Variants in OAS3 observed in about 807,000 individuals in gnomAD.
The protein encoded by OAS3 is 2'-5'-oligoadenylate synthase 3.
Under a neutral mutation model 113.0 loss-of-function variants are expected in OAS3, and 107 were observed. That is an observed-to-expected ratio of 0.95 (90% CI 0.81 to 1.11). The LOEUF is 1.11. Among genes scored for constraint, OAS3 ranks in the 50% most tolerant of loss-of-function variants. The pLI, the probability that OAS3 is intolerant of heterozygous loss-of-function variation, is 0.00. For missense variants in OAS3, 1,258 were observed against 1,389.1 expected, an observed-to-expected ratio of 0.91 and a Z score of 1.50; for synonymous variants, 552 against 573.6, an observed-to-expected ratio of 0.96 and a Z score of 0.54.
Position 112,966,455 on chromosome 12 carries a change from G to T in OAS3, c.2689+426G>T, listed in dbSNP as rs999949787. Among the ~76,000 whole-genome samples the T allele has an allele frequency of 2.2e-4, 33 of 152,288 alleles. 1 individual carries two copies. The highest frequency in any genetic ancestry group is 7.9e-4 in the African/African-American group (33 of 41,564). On this transcript the variant is annotated intron_variant, in intron 12 of 15. Transcript: ENST00000228928. ...CATTCATTCAGTTCATTCAATACAT[G>T]CATCTACTCTGTGCCCAGTGCTCTT...
At chr12:112,956,227 T>G (rs1403782998) in intron 7 of OAS3, among the ~76,000 whole-genome samples, 1 of 152,200 alleles carries the variant, frequency 6.6e-6, no homozygotes, top group African/African-American at 2.4e-5. Flanking sequence ...CCTTCTCTCT[T>G]TTCTTCTTTA....
In OAS3 at chr12:112,969,989, C is replaced by T. The variant is rs748927297; in HGVS notation, c.*16C>T. ...TGCTGTGTGAAGTTGAGAAAATCAGCGGTCCTACTGGATGAAGAGAAGATG... is the reference window on the plus strand; with the variant it reads ...TGCTGTGTGAAGTTGAGAAAATCAGTGGTCCTACTGGATGAAGAGAAGATG... On this transcript the variant is annotated 3_prime_UTR_variant, in exon 16 of 16. Transcript: ENST00000228928. 8.7e-6 allele frequency: 14 copies of T among 1,605,858 alleles called. 1 individual carries two copies. The highest frequency in any genetic ancestry group is 1.1e-5 in the South Asian group (1 of 89,136).
intron 2 of OAS3, chr12:112,942,203 G>A (rs10735079): frequency 0.68 from 327,000 of 483,518 alleles, 112,249 homozygotes; most frequent in East Asian, 0.8. Context: ...GCCTGGGGAC[G>A]AAACCAGAAT....
Position 112,972,926 on chromosome 12 carries a change from A to T in OAS3, c.*2953A>T, listed in dbSNP as rs1294445427. 1 of 145,354 alleles carries T rather than the reference A, an allele frequency of 6.9e-6. No homozygotes were observed. The highest frequency in any genetic ancestry group is 2.6e-5 in the African/African-American group (1 of 38,964). The allele number at this position is 145,354 out of a possible 1,614,324, so 9.0% of individuals were successfully genotyped here. A position where few individuals can be genotyped will look rare whatever the true frequency, so the allele number is the denominator to read the frequency against. Reference sequence around the variant, plus strand: ...TGTGTGTGTGTGTTTAATTTTTAAAAAGTTTTTATTGAGATACAAGTCAAT... The same window carrying T: ...TGTGTGTGTGTGTTTAATTTTTAAATAGTTTTTATTGAGATACAAGTCAAT... On this transcript the variant is annotated 3_prime_UTR_variant, in exon 16 of 16. Transcript: ENST00000228928.
rs1039333358 is a variant in OAS3 at position 112,959,000 on chromosome 12, G to A, written c.1658-2071G>A. Among the ~76,000 whole-genome samples, 8 of 152,320 alleles carry A rather than the reference G, an allele frequency of 5.3e-5. No individual in the cohort carries two copies. In the South Asian group the frequency reaches 1.2e-3, roughly 24 times the overall value. ...AGCTGCAGTGGGCTCCACCCAGTTC[G>A]AGCTTCCCAGCCACTTTGTTTACCT... On this transcript the variant is annotated intron_variant, in intron 7 of 15. Transcript: ENST00000228928.
intron 7 of OAS3, among the ~76,000 whole-genome samples, chr12:112,956,167 G>A (rs1213294280): frequency 6.6e-6 from 1 of 152,164 alleles, no homozygotes; most frequent in African/African-American, 2.4e-5. Context: ...GTATTTCTGT[G>A]TAATCGGTGG....
intron 5 of OAS3, 112 bp from the exon 6 acceptor site, chr12:112,948,749 T>A: frequency 1.2e-6 from 1 of 834,280 alleles, no homozygotes; most frequent in Non-Finnish European, 1.9e-6. Context: ...TTCCCCTCTC[T>A]GAGCCTCAGT....
intron 6 of OAS3, among the ~76,000 whole-genome samples, chr12:112,949,646 C>G (rs971345882): frequency 2.0e-5 from 3 of 152,212 alleles, no homozygotes; most frequent in Admixed American, 6.5e-5. Context: ...GGCTCTCTCT[C>G]TCTCGCTCTC....
chr12:112,960,979 G>A, intron 7 of OAS3, 92 bp from the exon 8 acceptor site: 2 of 1,193,504 alleles, frequency 1.7e-6, no homozygotes, highest in Non-Finnish European at 2.4e-6. Flanking sequence ...ATTAATGTTA[G>A]AATATTCATA....
In OAS3 at chr12:112,938,661, G is replaced by T; in HGVS notation, c.131G>T (p.Gly44Val). 2 of 1,593,548 alleles carry T rather than the reference G, an allele frequency of 1.3e-6. No homozygotes were observed. The highest frequency in any genetic ancestry group is 1.7e-6 in the Non-Finnish European group (2 of 1,171,624). Residue 44 changes from glycine (G) to valine (V), a missense_variant, in exon 1 of 16, where the codon GGG (glycine) becomes GTG (valine). Physicochemically the swap from Gly to Val is moderately radical, Grantham distance 109. Coordinates refer to ENST00000228928, the MANE Select transcript of OAS3 (RefSeq NM_006187.4). ...GALAAALRER[G>V]GRLGAAAPRV... ...CTGGCCGCTGCCCTGAGGGAGCGCG[G>T]GGGCCGCCTCGGTGCTGCTGCCCCG... is the stretch of plus-strand genomic sequence containing the variant.
Position 112,973,022 on chromosome 12 carries a change from G to T in OAS3, c.*3049G>T, listed in dbSNP as rs2043999189. On this transcript the variant is annotated 3_prime_UTR_variant, in exon 16 of 16. Transcript: ENST00000228928. ...AGTATATTCATAAGATTTATACTTG[G>T]TGTCTATTCATAAGACTTATATCCA... 1.3e-5 allele frequency: 2 copies of T among 152,062 alleles called. No homozygotes were observed. The highest frequency in any genetic ancestry group is 2.9e-5 in the Non-Finnish European group (2 of 68,018). The allele number at this position is 152,062 out of a possible 1,614,324, so 9.4% of individuals were successfully genotyped here.
At chr12:112,947,630 G>GT (rs897076233) in intron 4 of OAS3, among the ~76,000 whole-genome samples, 11 of 152,156 alleles carry the variant, frequency 7.2e-5, no homozygotes, top group African/African-American at 1.2e-4. Flanking sequence ...TCTTGGACAT[G>GT]TTTTTTTGGT....
At position 112,964,237 on chromosome 12, in the gene OAS3, A is replaced by G; in HGVS notation, c.2232A>G (p.Pro744=). Reference sequence around the variant, plus strand: ...CCCCACCTGGATTCTCTCTGCAGCCAGCCCTCCTTTACCAAACCCCAGCTG... The same window carrying G: ...CCCCACCTGGATTCTCTCTGCAGCCGGCCCTCCTTTACCAAACCCCAGCTG... ...GTSVQPWDVM[P]ALLYQTPAGD... is the part of the protein sequence containing the mutation. Residue 744 remains proline, a splice_region_variant and synonymous_variant, in exon 11 of 16, where the codon CCA becomes CCG. Coordinates refer to ENST00000228928, the MANE Select transcript of OAS3 (RefSeq NM_006187.4). The G allele has an allele frequency of 6.3e-7, 1 of 1,585,934 alleles. No homozygotes were observed. The highest frequency in any genetic ancestry group is 8.6e-7 in the Non-Finnish European group (1 of 1,165,558).
At chr12:112,945,178 G>GGT (rs1222643580) in intron 3 of OAS3, 2 of 185,024 alleles carry the variant, frequency 1.1e-5, no homozygotes, top group Non-Finnish European at 2.3e-5. Flanking sequence ...CGGGCGTGGT[G>GGT]GTACACACCT....
chr12:112,964,147 C>T, intron 10 of OAS3, 88 bp from the exon 11 acceptor site: 1 of 1,328,618 alleles, frequency 7.5e-7, no homozygotes, highest in Non-Finnish European at 1.0e-6. Context: ...CAGTGGGAGT[C>T]TTGTCCTCAG....
In OAS3 at chr12:112,962,733, GC is replaced by G; in HGVS notation, c.1917del (p.Trp640GlyfsTer44). On this transcript the variant is annotated frameshift_variant, in exon 9 of 16. Transcript: ENST00000228928. LOFTEE classifies it high-confidence loss of function. Reference protein sequence around the residue: ...AYALELLTIFAWEQGCRQDCF... With the variant: ...AYALELLTIFXWEQGCRQDCF... ...TGCCCTGGAGCTCCTCACCATCTTT[GC>G]CTGGGAGCAGGGCTGCAGGCAGGAT... 1 of 1,613,948 alleles carries G rather than the reference GC, an allele frequency of 6.2e-7. No individual in the cohort carries two copies. The highest frequency in any genetic ancestry group is 8.5e-7 in the Non-Finnish European group (1 of 1,179,900).
In OAS3 at chr12:112,944,610, T is replaced by C. The variant is rs1011043544; in HGVS notation, c.595T>C (p.Leu199=). ...RNFVNIRPAK[L]KNLILLVKHW... is the part of the protein sequence containing the mutation. ...CTTTGTGAACATTCGCCCAGCCAAG[T>C]TGAAGAACCTAATCTTGCTGGTGAA... The change falls in exon 3 of 16, where the codon TTG becomes CTG. Residue 199 remains leucine (L), a synonymous_variant. Coordinates refer to ENST00000228928, the MANE Select transcript of OAS3 (RefSeq NM_006187.4). 9.3e-6 allele frequency: 15 copies of C among 1,614,084 alleles called. No homozygotes were observed. The highest frequency in any genetic ancestry group is 4.0e-5 in the African/African-American group (3 of 75,076).
intron 7 of OAS3, among the ~76,000 whole-genome samples, chr12:112,951,839 C>CAAAAAAAAAA (rs3038125): frequency 1.1e-3 from 116 of 105,652 alleles, no homozygotes; most frequent in Non-Finnish European, 1.4e-3. Flanking sequence ...ACTAAAAATA[C>CAAAAAAAAAA]AAAAAAAAAA....
intron 5 of OAS3, among the ~76,000 whole-genome samples, 163 bp downstream of exon 5, chr12:112,948,262 G>A (rs542624503): frequency 1.2e-4 from 18 of 152,282 alleles, no homozygotes; most frequent in South Asian, 6.2e-4. Flanking sequence ...TTGGGAGGCC[G>A]AGGTGGGCAG....
Sources: gnomAD v4.1 joint callset for allele counts (sites outside exome capture counted in the v4.1 genomes callset) on GRCh38, gnomAD v4.1.1 for gene constraint, MANE v1.5 for transcripts, NCBI Gene and HGNC (gene_info 2026-07-23, HGNC 2026-07-21) for gene names.